Variants in WDR41 observed in about 807,000 individuals in gnomAD.
WDR41 encodes WD repeat domain 41, also known as WD repeat-containing protein 41.
A neutral mutation model predicts 69.3 loss-of-function variants in WDR41; 63 were observed. The ratio of observed to expected loss-of-function variants is 0.91; its 90% CI spans 0.74 to 1.12. The LOEUF (loss-of-function observed/expected upper bound fraction) is 1.12. Among genes scored for constraint, WDR41 ranks in the 50% most tolerant of loss-of-function variants. WDR41 has a pLI of 0.00. For missense variants in WDR41, 543 were observed against 534.5 expected (o/e 1.02, Z -0.16); for synonymous variants, 185 against 192.1 (o/e 0.96, Z 0.31).
At chr5:77,548,297 T>C (rs752357209) in intron 1 of WDR41, among the ~76,000 whole-genome samples, 24 of 152,138 alleles carry the variant, frequency 1.6e-4, no homozygotes, top group Non-Finnish European at 3.5e-4. Context: ...TTAATTAAAC[T>C]AAATAGCTTT....
intron 1 of WDR41, among the ~76,000 whole-genome samples, chr5:77,595,078 T>G (rs1301485905): frequency 6.6e-6 from 1 of 152,210 alleles, no homozygotes; most frequent in Admixed American, 6.5e-5. Context: ...TAAGTAGCTA[T>G]CTGAATATTG....
chr5:77,609,237 A>G (rs1218916241), intron 1 of WDR41, among the ~76,000 whole-genome samples: 1 of 152,188 alleles, frequency 6.6e-6, no homozygotes, highest in African/African-American at 2.4e-5. Context: ...GGCACAGACA[A>G]ACAAAAAGAC....
intron 2 of WDR41, among the ~76,000 whole-genome samples, chr5:77,480,694 G>T: frequency 7.6e-6 from 1 of 131,036 alleles, no homozygotes; most frequent in South Asian, 2.9e-4. Flanking sequence ...GGAGGGGGGA[G>T]GGATAGCACT....
At chr5:77,465,745 G>C (rs1439675990) in intron 2 of WDR41, among the ~76,000 whole-genome samples, 1 of 149,738 alleles carries the variant, frequency 6.7e-6, no homozygotes, top group East Asian at 1.9e-4. Flanking sequence ...CAGTATGAGA[G>C]AAAGAAGTGG....
chr5:77,549,422 AT>A (rs1271971507), intron 1 of WDR41, among the ~76,000 whole-genome samples: 1 of 152,182 alleles, frequency 6.6e-6, no homozygotes, highest in African/African-American at 2.4e-5. Context: ...AGGACACAAA[AT>A]CAATGTACAC....
At chr5:77,477,713 G>A (rs1373073426) in intron 2 of WDR41, among the ~76,000 whole-genome samples, 2 of 93,688 alleles carry the variant, frequency 2.1e-5, no homozygotes, top group Middle Eastern at 4.8e-3. Context: ...ATGCCCACAA[G>A]AGAAAGCAGG....
intron 1 of WDR41, among the ~76,000 whole-genome samples, chr5:77,508,767 C>T (rs1270840184): frequency 6.6e-6 from 1 of 151,780 alleles, no homozygotes; most frequent in African/African-American, 2.4e-5. Context: ...TACTTAGTAG[C>T]TTTGCTAAAC....
chr5:77,479,037 CAG>C lies in WDR41; in HGVS notation c.167+10418_167+10419del, dbSNP rs937383847. 7.2e-5 allele frequency among the ~76,000 whole-genome samples: 11 copies of C among 151,940 alleles called. No homozygotes were observed. In the South Asian group the frequency reaches 1.7e-3, roughly 23 times the overall value. Reference sequence around the variant, plus strand: ...AGCATTCTTATACACCAACAACAAACAGAGAGCCAAATCATGAGTGAACTCCC... The same window carrying C: ...AGCATTCTTATACACCAACAACAAACAGAGCCAAATCATGAGTGAACTCCC... On this transcript the variant is annotated intron_variant, in intron 2 of 12. Transcript: ENST00000296679.
chr5:77,601,502 T>C (rs1329296827), intron 1 of WDR41, among the ~76,000 whole-genome samples: 1 of 152,194 alleles, frequency 6.6e-6, no homozygotes, highest in Admixed American at 6.5e-5. Flanking sequence ...GTATTGTTTA[T>C]AAATGAAGTA....
intron 1 of WDR41, among the ~76,000 whole-genome samples, chr5:77,525,096 C>G (rs1167578586): frequency 1.3e-5 from 2 of 152,146 alleles, no homozygotes; most frequent in Non-Finnish European, 2.9e-5. Context: ...GAGGACATAA[C>G]TTAATGCTTT....
At chr5:77,461,765 G>A (rs1159654781) in intron 4 of WDR41, among the ~76,000 whole-genome samples, 1 of 151,974 alleles carries the variant, frequency 6.6e-6, no homozygotes, top group African/African-American at 2.4e-5. Context: ...TTGAACCTGG[G>A]AGGTGGAGGC....
At chr5:77,442,894 CAAAAAAAAA>C (rs60442242) in intron 8 of WDR41, among the ~76,000 whole-genome samples, 1 of 56,264 alleles carries the variant, frequency 1.8e-5, no homozygotes, top group South Asian at 1.0e-3. Context: ...TCTGTCTCCC[CAAAAAAAAA>C]AAAAAAAAAA....
intron 1 of WDR41, among the ~76,000 whole-genome samples, chr5:77,516,265 C>T (rs1213024230): frequency 6.6e-6 from 1 of 152,062 alleles, no homozygotes. Context: ...TTATTATTTG[C>T]ATTTCTATAA....
chr5:77,525,697 A>G (rs981204090), intron 1 of WDR41, among the ~76,000 whole-genome samples: 1 of 152,202 alleles, frequency 6.6e-6, no homozygotes, highest in African/African-American at 2.4e-5. Context: ...AGTGTCTTGT[A>G]TATGTTCCCA....
chr5:77,479,314 A>T (rs1275406546), intron 2 of WDR41, among the ~76,000 whole-genome samples: 2 of 151,984 alleles, frequency 1.3e-5, no homozygotes, highest in African/African-American at 4.8e-5. Flanking sequence ...CAGAATTGGA[A>T]AAAACTACTT....
intron 1 of WDR41, among the ~76,000 whole-genome samples, chr5:77,552,040 T>G: frequency 7.5e-6 from 1 of 133,936 alleles, no homozygotes; most frequent in Admixed American, 7.5e-5. Flanking sequence ...TAAAATAAAA[T>G]AAAATAAAAT....
chr5:77,446,786 TA>T (rs543812608), intron 8 of WDR41, among the ~76,000 whole-genome samples: 20 of 152,212 alleles, frequency 1.3e-4, no homozygotes, highest in Admixed American at 1.0e-3. Context: ...CAAGATGAAT[TA>T]AAGACTTAAT....
intron 8 of WDR41, among the ~76,000 whole-genome samples, chr5:77,441,832 C>T (rs1003109047): frequency 2.0e-5 from 3 of 150,978 alleles, no homozygotes; most frequent in Non-Finnish European, 4.4e-5. Flanking sequence ...ATACTTGATA[C>T]ATAAGGAGTT....
intron 1 of WDR41, among the ~76,000 whole-genome samples, chr5:77,613,794 T>C (rs918546046): frequency 3.9e-5 from 6 of 152,020 alleles, no homozygotes; most frequent in South Asian, 2.1e-4. Flanking sequence ...AATTGACAAA[T>C]GGGATCTAAT....
Sources: allele counts gnomAD v4.1 joint callset (sites outside exome capture counted in the v4.1 genomes callset), GRCh38; gene constraint gnomAD v4.1.1; transcripts MANE v1.5; gene names NCBI Gene and HGNC (gene_info 2026-07-23, HGNC 2026-07-21).